YBEY: variants seen among roughly 807,000 people sequenced by gnomAD.
YBEY encodes ybeY metalloendoribonuclease.
Under a neutral mutation model 13.5 loss-of-function variants are expected in YBEY, and 15 were observed. The observed-to-expected ratio is 1.11, with a 90% CI of 0.75 to 1.72. YBEY has a LOEUF of 1.72. YBEY is among the 40% of genes most tolerant of loss of function. The probability of loss-of-function intolerance (pLI) is 0.00; values close to 1 mark genes in which losing one functional copy is unlikely to be tolerated. For missense variants in YBEY, 244 were observed against 208.4 expected, an observed-to-expected ratio of 1.17 and a Z score of -1.05; for synonymous variants, 101 against 83.1, an observed-to-expected ratio of 1.21 and a Z score of -1.17.
At chr21:46,291,787 C>T in intron 3 of YBEY, 1 of 1,093,022 alleles carries the variant, frequency 9.1e-7, no homozygotes, top group Non-Finnish European at 1.1e-6. Flanking sequence ...GCCAGAAGTA[C>T]AGAAGTTGGA....
At chr21:46,298,341 C>A (rs1297888919), downstream of YBEY, among the ~76,000 whole-genome samples, 1 of 152,146 alleles carries the variant, frequency 6.6e-6, no homozygotes, top group Non-Finnish European at 1.5e-5. Context: ...CCACCGCGCC[C>A]TTCGGTGAAG....
At chr21:46,291,019 G>A (rs35202939) in intron 2 of YBEY, among the ~76,000 whole-genome samples, 54,254 of 129,478 alleles carry the variant, frequency 0.42, 11,413 homozygotes, top group Admixed American at 0.48. Context: ...TCTGTCTCAG[G>A]AAAAAAAAAA....
chr21:46,299,039 C>G (rs909479649), downstream of YBEY, among the ~76,000 whole-genome samples: 40 of 123,566 alleles, frequency 3.2e-4, no homozygotes, highest in African/African-American at 1.1e-3. Flanking sequence ...TCCTGTATTT[C>G]TTTCTTTCTT....
rs2081999435 is a variant in YBEY, at chr21:46,297,691, G to C, written c.*57G>C. ...GAGGGGTGGAGGCTGCGGGGAGCCGGGGTCGCACACGAATAAATAACGAAT... is the reference window on the plus strand; with the variant it reads ...GAGGGGTGGAGGCTGCGGGGAGCCGCGGTCGCACACGAATAAATAACGAAT... On this transcript the variant is annotated 3_prime_UTR_variant, in exon 5 of 5. Transcript: ENST00000397701. 1 of 1,271,584 alleles carries C rather than the reference G, an allele frequency of 7.9e-7. No individual in the cohort carries two copies. The highest frequency in any genetic ancestry group is 1.0e-6 in the Non-Finnish European group (1 of 998,396). The allele number at this position is 1,271,584 out of a possible 1,614,324, so 78.8% of individuals were successfully genotyped here. A position where few individuals can be genotyped will look rare whatever the true frequency, so the allele number is the denominator to read the frequency against.
chr21:46,298,725 G>A (rs369859654), downstream of YBEY, among the ~76,000 whole-genome samples: 4 of 151,292 alleles, frequency 2.6e-5, no homozygotes, highest in Non-Finnish European at 4.4e-5. Context: ...CACCACGCCC[G>A]GCCTGTTTTG....
At chr21:46,310,971 A>G in the YBEY span, among the ~76,000 whole-genome samples, 1 of 151,938 alleles carries the variant, frequency 6.6e-6, no homozygotes, top group Non-Finnish European at 1.5e-5. Flanking sequence ...CCCAGGTTCA[A>G]GCAATTTCTC....
the YBEY span, among the ~76,000 whole-genome samples, chr21:46,306,127 G>T: frequency 6.6e-6 from 1 of 151,300 alleles, no homozygotes; most frequent in Non-Finnish European, 1.5e-5. Flanking sequence ...ATCTGGGCAA[G>T]CCCAGTGCAA....
downstream of YBEY, chr21:46,302,375 C>T (rs2082145185): frequency 9.2e-7 from 1 of 1,092,148 alleles, no homozygotes; most frequent in African/African-American, 1.6e-5. Flanking sequence ...AGACTGTAGA[C>T]CTGAGCCAGG....
the YBEY span, among the ~76,000 whole-genome samples, chr21:46,307,564 G>A: frequency 6.6e-6 from 1 of 152,182 alleles, no homozygotes; most frequent in Admixed American, 6.5e-5. Context: ...CTTTATGATG[G>A]CACAAGCTAT....
the YBEY span, among the ~76,000 whole-genome samples, chr21:46,308,447 T>A: frequency 0.043 from 6,577 of 151,502 alleles, 207 homozygotes; most frequent in Non-Finnish European, 0.066. Flanking sequence ...GGCAAAAGAG[T>A]GAGACTCCAT....
the YBEY span, among the ~76,000 whole-genome samples, chr21:46,309,057 G>C: frequency 6.6e-6 from 1 of 152,188 alleles, no homozygotes; most frequent in African/African-American, 2.4e-5. Context: ...AGTGGCTCAC[G>C]CCTGTAATCC....
At chr21:46,304,715 T>G in the YBEY span, among the ~76,000 whole-genome samples, 4 of 152,138 alleles carry the variant, frequency 2.6e-5, no homozygotes, top group African/African-American at 9.7e-5. Flanking sequence ...GTGGCTGTAT[T>G]TCCTGACACA....
chr21:46,289,526 A>G (rs187144722), intron 2 of YBEY, among the ~76,000 whole-genome samples: 6 of 146,082 alleles, frequency 4.1e-5, no homozygotes, highest in African/African-American at 7.5e-5. Flanking sequence ...GCTCACTGCA[A>G]CCTCCACCTC....
chr21:46,295,727 TGA>T, intron 3 of YBEY, among the ~76,000 whole-genome samples: 1 of 151,690 alleles, frequency 6.6e-6, no homozygotes, highest in African/African-American at 2.4e-5. Flanking sequence ...GGCCCCATCC[TGA>T]CTGGGGGTTG....
At chr21:46,292,440 G>T (rs2081755746) in intron 3 of YBEY, among the ~76,000 whole-genome samples, 1 of 152,224 alleles carries the variant, frequency 6.6e-6, no homozygotes, top group African/African-American at 2.4e-5. Flanking sequence ...CTTGAGCAAG[G>T]AGGGGATTCG....
the YBEY span, among the ~76,000 whole-genome samples, chr21:46,309,102 T>G: frequency 6.6e-6 from 1 of 152,132 alleles, no homozygotes; most frequent in Non-Finnish European, 1.5e-5. Context: ...GTGGATCACC[T>G]GAGGTCAGGA....
At chr21:46,300,921 G>A (rs2082085416), downstream of YBEY, 7 of 852,934 alleles carry the variant, frequency 8.2e-6, no homozygotes, top group South Asian at 1.2e-4. Context: ...AAATAGTCAA[G>A]GTAGCCTGTC....
chr21:46,301,944 C>G, downstream of YBEY: 7 of 1,455,134 alleles, frequency 4.8e-6, no homozygotes, highest in Non-Finnish European at 6.3e-6. Context: ...AGCCCACAGC[C>G]CTGAGGAAGC....
chr21:46,288,044 A>G (rs74275974), intron 2 of YBEY, among the ~76,000 whole-genome samples: 1 of 152,054 alleles, frequency 6.6e-6, no homozygotes, highest in East Asian at 1.9e-4. Flanking sequence ...AAAGGTGACT[A>G]GCGTCCACCC....
Sources: allele counts gnomAD v4.1 joint callset (sites outside exome capture counted in the v4.1 genomes callset), GRCh38; gene constraint gnomAD v4.1.1; transcripts MANE v1.5; gene names NCBI Gene and HGNC (gene_info 2026-07-23, HGNC 2026-07-21).